The following CNNM1 variants were observed in gnomAD, a reference collection of about 807,000 sequenced individuals.
CNNM1 encodes the protein cyclin and CBS domain divalent metal cation transport mediator 1.
CNNM1 carries 44 observed loss-of-function variants against 78.8 expected under a neutral mutation model. The ratio of observed to expected loss-of-function variants is 0.56; its 90% CI spans 0.44 to 0.72. CNNM1 has a LOEUF of 0.72. CNNM1 is among the 30% of genes least tolerant of loss of function. The probability of loss-of-function intolerance (pLI) is 0.00; values close to 1 mark genes in which losing one functional copy is unlikely to be tolerated. For synonymous variants in CNNM1, 584 were observed against 581.5 expected, an observed-to-expected ratio of 1.00 and a Z score of -0.06; for missense variants, 1,101 against 1,292.2, an observed-to-expected ratio of 0.85 and a Z score of 2.27.
At chr10:99,380,329 C>G (rs1160365589) in intron 7 of CNNM1, among the ~76,000 whole-genome samples, 1 of 152,092 alleles carries the variant, frequency 6.6e-6, no homozygotes, top group East Asian at 1.9e-4. Context: ...ATTTGGTTTG[C>G]TGCTTGGAGT....
intron 6 of CNNM1, 34 bp downstream of exon 6, chr10:99,365,036 C>T (rs1028287907): frequency 6.2e-7 from 1 of 1,611,612 alleles, no homozygotes; most frequent in Non-Finnish European, 8.5e-7. Context: ...CTCGTCCTCC[C>T]CATCGTAGTC....
At position 99,391,588 on chromosome 10, in the gene CNNM1, C is replaced by A; in HGVS notation, c.*72C>A. 2 of 1,308,452 alleles carry A rather than the reference C, an allele frequency of 1.5e-6. No homozygotes were observed. The highest frequency in any genetic ancestry group is 1.3e-5 in the South Asian group (1 of 79,922). 81.1% of individuals were successfully genotyped at this position (1,308,452 alleles called of 1,614,324 possible). A position where few individuals can be genotyped will look rare whatever the true frequency, so the allele number is the denominator to read the frequency against. ...GGGGGAGAATCCACCCTCCCATCATCTGCTTCCCCCAAGGCCTCCCACAGG... is the reference window on the plus strand; with the variant it reads ...GGGGGAGAATCCACCCTCCCATCATATGCTTCCCCCAAGGCCTCCCACAGG... On this transcript the variant is annotated 3_prime_UTR_variant, in exon 11 of 11. Transcript: ENST00000356713.
At chr10:99,333,735 A>G (rs2030037827) in intron 1 of CNNM1, among the ~76,000 whole-genome samples, 1 of 152,218 alleles carries the variant, frequency 6.6e-6, no homozygotes, top group Non-Finnish European at 1.5e-5. Context: ...TACAGGGCAT[A>G]ATGAGCAGTC....
At chr10:99,387,732 G>A in intron 7 of CNNM1, 88 bp from the exon 8 acceptor site, 1 of 1,360,940 alleles carries the variant, frequency 7.3e-7, no homozygotes, top group Non-Finnish European at 9.9e-7. Context: ...AAGCACCCCA[G>A]CGAGGCTGCC....
chr10:99,332,351 C>G (rs1199433085), intron 1 of CNNM1, among the ~76,000 whole-genome samples: 1 of 152,134 alleles, frequency 6.6e-6, no homozygotes, highest in East Asian at 1.9e-4. Context: ...CAGATTCAGC[C>G]TTCAGATATA....
At chr10:99,367,056 C>A (rs1201623839) in intron 6 of CNNM1, among the ~76,000 whole-genome samples, 2 of 152,098 alleles carry the variant, frequency 1.3e-5, no homozygotes, top group Non-Finnish European at 2.9e-5. Flanking sequence ...TCCATCCTCC[C>A]CGAACCCATA....
intron 6 of CNNM1, among the ~76,000 whole-genome samples, chr10:99,372,641 C>T (rs904740627): frequency 2.0e-5 from 3 of 152,166 alleles, no homozygotes; most frequent in Non-Finnish European, 4.4e-5. Context: ...CTAAGACACT[C>T]GTCTGTTACT....
chr10:99,343,449 A>G (rs1034805443), intron 1 of CNNM1, among the ~76,000 whole-genome samples: 12 of 152,212 alleles, frequency 7.9e-5, no homozygotes, highest in Non-Finnish European at 1.5e-4. Flanking sequence ...TTGTGTGCCC[A>G]CCATAAATGT....
chr10:99,354,341 G>T (rs1049077070), intron 1 of CNNM1, among the ~76,000 whole-genome samples: 12 of 152,060 alleles, frequency 7.9e-5, no homozygotes, highest in Admixed American at 4.6e-4. Flanking sequence ...CTGATGCAAG[G>T]TTTAAATTTT....
At chr10:99,377,921 C>G (rs1360499772) in intron 7 of CNNM1, among the ~76,000 whole-genome samples, 1 of 151,048 alleles carries the variant, frequency 6.6e-6, no homozygotes. Context: ...TGCACAGGAG[C>G]CTTTAACATT....
At chr10:99,372,351 G>A (rs1211412785) in intron 6 of CNNM1, among the ~76,000 whole-genome samples, 1 of 152,156 alleles carries the variant, frequency 6.6e-6, no homozygotes, top group Non-Finnish European at 1.5e-5. Flanking sequence ...ATTTCACAGA[G>A]CAGAAAACCC....
intron 7 of CNNM1, 71 bp from the exon 8 acceptor site, chr10:99,387,749 C>G: frequency 6.9e-7 from 1 of 1,450,656 alleles, no homozygotes; most frequent in Non-Finnish European, 9.2e-7. Context: ...TGCCCCCGAG[C>G]CTGGGAAGGC....
intron 6 of CNNM1, among the ~76,000 whole-genome samples, chr10:99,375,292 A>G (rs1435183227): frequency 6.6e-6 from 1 of 152,174 alleles, no homozygotes; most frequent in African/African-American, 2.4e-5. Context: ...AACAGATTAT[A>G]AGATTCTAAG....
At position 99,362,212 on chromosome 10, in the gene CNNM1, C is replaced by A; in HGVS notation, c.1859-15C>A. ...GCTGATGCTGATTCCTCCCTTCCCA[C>A]TCACTCTCCTCTAGAAGTGGAGCCC... On this transcript the variant is annotated splice_polypyrimidine_tract_variant and intron_variant, in intron 3 of 10. Transcript: ENST00000356713. 2 of 1,594,816 alleles carry A rather than the reference C, an allele frequency of 1.3e-6. No homozygotes were observed.
intron 6 of CNNM1, chr10:99,368,588 C>T (rs772857851): frequency 1.4e-5 from 18 of 1,283,850 alleles, no homozygotes; most frequent in Non-Finnish European, 1.6e-5. Context: ...CCTTTCGCAA[C>T]TCACAAATCC....
chr10:99,343,705 T>TTTTG (rs1564940847), intron 1 of CNNM1, among the ~76,000 whole-genome samples: 1 of 151,858 alleles, frequency 6.6e-6, no homozygotes. Flanking sequence ...TCTTCCTTCT[T>TTTTG]TTTTGTTTTG....
At chr10:99,373,856 A>G (rs1232690893) in intron 6 of CNNM1, among the ~76,000 whole-genome samples, 1 of 152,180 alleles carries the variant, frequency 6.6e-6, no homozygotes, top group Non-Finnish European at 1.5e-5. Flanking sequence ...ATTTCCATCC[A>G]TGTTGCTGCA....
intron 7 of CNNM1, among the ~76,000 whole-genome samples, chr10:99,378,801 A>C (rs148397725): frequency 6.6e-6 from 1 of 152,270 alleles, no homozygotes; most frequent in African/African-American, 2.4e-5. Flanking sequence ...CCAAGCTTCA[A>C]AGTTGGGTCT....
At chr10:99,382,142 A>C (rs1485751863) in intron 7 of CNNM1, among the ~76,000 whole-genome samples, 1 of 152,216 alleles carries the variant, frequency 6.6e-6, no homozygotes, top group Non-Finnish European at 1.5e-5. Flanking sequence ...TATATCCAAC[A>C]GACTGAAGGT....
Sources: allele counts gnomAD v4.1 joint callset (sites outside exome capture counted in the v4.1 genomes callset), GRCh38; gene constraint gnomAD v4.1.1; transcripts MANE v1.5; gene names NCBI Gene and HGNC (gene_info 2026-07-23, HGNC 2026-07-21).